The following DYNC1H1 variants were observed in gnomAD, a reference collection of about 807,000 sequenced individuals.
DYNC1H1 encodes the protein dynein cytoplasmic 1 heavy chain 1, also known as cytoplasmic dynein 1 heavy chain 1.
In DYNC1H1, 51 loss-of-function variants were observed where a neutral mutation model predicts 527.1. That is an observed-to-expected ratio of 0.10 (90% CI 0.08 to 0.12). The LOEUF is 0.12. DYNC1H1 is among the 10% of genes least tolerant of loss of function. DYNC1H1 has a pLI of 1.00. For missense variants in DYNC1H1, 2,771 were observed against 5,971.8 expected (o/e 0.46, Z 17.66); for synonymous variants, 2,189 against 2,278.8 (o/e 0.96, Z 1.12).
rs749004964 is a variant in DYNC1H1 at position 102,017,397 on chromosome 14, A to C, written c.8070A>C (p.Gly2690=). The change falls in exon 40 of 78, where the codon GGA becomes GGC. Residue 2690 remains glycine (G), a synonymous_variant. Coordinates refer to ENST00000360184, the MANE Select transcript of DYNC1H1 (RefSeq NM_001376.5). This position sits in a 1 kb window ranked among gnomAD's most constrained non-coding sequence, Gnocchi z 4.6. ...ISFIRQMVEH[G]GFYRTSDQTW... ...CCTTCCTTCAGATGGTGGAGCACGG[A>C]GGCTTTTACCGTACCTCAGATCAAA... 5.0e-6 allele frequency: 8 copies of C among 1,614,176 alleles called. No individual in the cohort carries two copies. In the South Asian group the frequency reaches 5.5e-5, roughly 11 times the overall value.
intron 72 of DYNC1H1, 178 bp from the exon 73 acceptor site, chr14:102,047,639 G>GTGTGTA (rs2048741525): frequency 2.9e-6 from 1 of 346,202 alleles, no homozygotes; most frequent in Admixed American, 4.5e-5. Flanking sequence ...GTGTGTGTGT[G>GTGTGTA]TGTATATATA....
chr14:101,999,903 CA>C (rs2048110551), intron 16 of DYNC1H1, 85 bp from the exon 17 acceptor site: 1 of 1,592,710 alleles, frequency 6.3e-7, no homozygotes, highest in Non-Finnish European at 8.6e-7. Flanking sequence ...AGAAGCCCTG[CA>C]GGCTCTGTGC....
rs1595604989 is a variant in DYNC1H1 at position 101,994,121 on chromosome 14, G to T, written c.3016-63G>T. On this transcript the variant is annotated intron_variant, in intron 11 of 77. Transcript: ENST00000360184. ...TCAGTTCATTTTAATTAAGTAAAAG[G>T]TGACACTTAGATTACCATTTTCATA... 3.7e-6 allele frequency: 6 copies of T among 1,611,804 alleles called. No homozygotes were observed. In the Admixed American group the frequency reaches 5.0e-5, roughly 13 times the overall value.
chr14:101,965,134 C>A lies in DYNC1H1; in HGVS notation c.256+187C>A, dbSNP rs1320351747. On this transcript the variant is annotated intron_variant, in intron 1 of 77. Coordinates refer to ENST00000360184, the MANE Select transcript of DYNC1H1 (RefSeq NM_001376.5). The surrounding 1 kb of genome is among the most constrained non-coding windows in gnomAD (Gnocchi z 4.1). ...CCGGGTCCCCAGGGCCGCAGACGCC[C>A]CGCAGAGGCCGGCGCGGCGCCCGGG... 6.6e-6 allele frequency among the ~76,000 whole-genome samples: 1 copy of A among 151,810 alleles called. No individual in the cohort carries two copies. Among genetic ancestry groups the A allele is most frequent in the Non-Finnish European group, 1.5e-5 (1 of 67,924 alleles).
At chr14:102,034,626 A>G (rs1298850257) in intron 56 of DYNC1H1, 174 bp downstream of exon 56, 5 of 1,080,230 alleles carry the variant, frequency 4.6e-6, no homozygotes, top group Non-Finnish European at 6.8e-6. Context: ...CGTTATTGTC[A>G]AGTGTCTGAG....
At chr14:102,045,991 C>G (rs1168691582) in intron 72 of DYNC1H1, among the ~76,000 whole-genome samples, 1 of 151,922 alleles carries the variant, frequency 6.6e-6, no homozygotes, top group African/African-American at 2.4e-5. Flanking sequence ...ACGGTGAAAC[C>G]CCGTCTCTAC....
Position 101,985,642 on chromosome 14 carries a change from C to T in DYNC1H1, c.1462-45C>T. ...CCCGGCTTAAAATAAATTTTAAAGC[C>T]TTCGTTTGGTCAGCATTTCTTGATT... On this transcript the variant is annotated intron_variant, in intron 7 of 77. Coordinates refer to ENST00000360184, the MANE Select transcript of DYNC1H1 (RefSeq NM_001376.5). The surrounding 1 kb of genome is among the most constrained non-coding windows in gnomAD (Gnocchi z 5.9). 1.2e-6 allele frequency: 2 copies of T among 1,609,626 alleles called. No homozygotes were observed. The highest frequency in any genetic ancestry group is 1.7e-6 in the Non-Finnish European group (2 of 1,176,002).
rs749751466 is a variant in DYNC1H1, at chr14:102,029,553, A to G, written c.9483A>G (p.Leu3161=). 1 of 1,614,242 alleles carries G rather than the reference A, an allele frequency of 6.2e-7. No individual in the cohort carries two copies. Among genetic ancestry groups the G allele is most frequent in the Non-Finnish European group, 8.5e-7 (1 of 1,180,050 alleles). The change falls in exon 49 of 78, where the codon CTA becomes CTG. Residue 3161 remains leucine (L), a synonymous_variant. Transcript: ENST00000360184. The surrounding 1 kb of genome is among the most constrained non-coding windows in gnomAD (Gnocchi z 5.3). ...TTTTCTGAAAGGCGAATGCTCGGCTAGCAAAGCGAGGCGGCAGAACGATGG... is the reference window on the plus strand; with the variant it reads ...TTTTCTGAAAGGCGAATGCTCGGCTGGCAAAGCGAGGCGGCAGAACGATGG... ...HQTLHQANAR[L]AKRGGRTMAI... is the part of the protein sequence containing the mutation.
At chr14:102,032,103 T>G (rs2048516308) in intron 51 of DYNC1H1, among the ~76,000 whole-genome samples, 169 bp from the exon 52 acceptor site, 1 of 152,218 alleles carries the variant, frequency 6.6e-6, no homozygotes, top group African/African-American at 2.4e-5. Context: ...CTTACCCTAT[T>G]CCAGAGGGTT....
Position 101,981,745 on chromosome 14 carries a change from C to T in DYNC1H1, c.961+1195C>T, listed in dbSNP as rs76844542. Among the ~76,000 whole-genome samples, 953 of 152,180 alleles carry T rather than the reference C, an allele frequency of 6.3e-3. 9 individuals are homozygous for T. The highest frequency in any genetic ancestry group is 0.022 in the African/African-American group (926 of 41,488). On this transcript the variant is annotated intron_variant, in intron 5 of 77. Coordinates refer to ENST00000360184, the MANE Select transcript of DYNC1H1 (RefSeq NM_001376.5). ...ATGTATACTTTGATTTTTTTAACAC[C>T]TCTGAAACTTTTGTTTTTTTCCTAA...
chr14:102,005,823 A>C lies in DYNC1H1; in HGVS notation c.5434-65A>C. 24 of 1,603,122 alleles carry C rather than the reference A, an allele frequency of 1.5e-5. No homozygotes were observed. The highest frequency in any genetic ancestry group is 1.9e-5 in the Non-Finnish European group (22 of 1,171,060). On this transcript the variant is annotated intron_variant, in intron 26 of 77. Coordinates refer to ENST00000360184, the MANE Select transcript of DYNC1H1 (RefSeq NM_001376.5). This position sits in a 1 kb window ranked among gnomAD's most constrained non-coding sequence, Gnocchi z 4.0. ...CTCAATTTCAGTTTAACAGTCCACA[A>C]ACCCGGAGAATGCACTGTATTGCTT...
In DYNC1H1 at chr14:101,982,142, C is replaced by T. The variant is rs17511991; in HGVS notation, c.962-877C>T. ...CGCAAACCCTGTTGTGAACTGCGCA[C>T]GCGAGGGATGTAGATTGTGCACTCC... On this transcript the variant is annotated intron_variant, in intron 5 of 77. Coordinates refer to ENST00000360184, the MANE Select transcript of DYNC1H1 (RefSeq NM_001376.5). Among the ~76,000 whole-genome samples, 840 of 152,216 alleles carry T rather than the reference C, an allele frequency of 5.5e-3. 17 individuals carry two copies. The highest frequency in any genetic ancestry group is 0.037 in the East Asian group (190 of 5,186).
At position 102,044,180 on chromosome 14, in the gene DYNC1H1, T is replaced by C; in HGVS notation, c.12685-94T>C. ...GTGACCGCCAAAGCCTAGCTGGCCA[T>C]GGGGAGTGAGGAGGAAAGCTGTGCC... On this transcript the variant is annotated intron_variant, in intron 70 of 77. Transcript: ENST00000360184. This position sits in a 1 kb window ranked among gnomAD's most constrained non-coding sequence, Gnocchi z 7.1. The C allele has an allele frequency of 6.3e-7, 1 of 1,586,754 alleles. No homozygotes were observed. Among genetic ancestry groups the C allele is most frequent in the Non-Finnish European group, 8.6e-7 (1 of 1,167,880 alleles).
Position 102,017,801 on chromosome 14 carries a change from C to A in DYNC1H1, c.8177+297C>A. The A allele has an allele frequency of 2.4e-6, 1 of 424,448 alleles. No homozygotes were observed. 26.3% of individuals were successfully genotyped at this position (424,448 alleles called of 1,614,324 possible). On this transcript the variant is annotated intron_variant, in intron 40 of 77. Coordinates refer to ENST00000360184, the MANE Select transcript of DYNC1H1 (RefSeq NM_001376.5). This position sits in a 1 kb window ranked among gnomAD's most constrained non-coding sequence, Gnocchi z 4.6. ...CCAACACAGTGAAACCTCGTCTCTACTGAAAATACAAAAACAAAATTAAGG... is the reference window on the plus strand; with the variant it reads ...CCAACACAGTGAAACCTCGTCTCTAATGAAAATACAAAAACAAAATTAAGG...
rs771521708 is a variant in DYNC1H1, at chr14:102,042,306, G to A, written c.12275+18G>A. The A allele has an allele frequency of 2.1e-5, 34 of 1,614,124 alleles. No individual in the cohort carries two copies. Among genetic ancestry groups the A allele is most frequent in the Non-Finnish European group, 2.9e-5 (34 of 1,180,026 alleles). ...TCGGGCAGGTAGGCCTGTTCTCTTT[G>A]GCTGAAGAAAGCCTTAGTCCCCAGG... On this transcript the variant is annotated intron_variant, in intron 67 of 77. Transcript: ENST00000360184. The surrounding 1 kb of genome is among the most constrained non-coding windows in gnomAD (Gnocchi z 5.7).
chr14:102,030,341 T>C lies in DYNC1H1; in HGVS notation c.9883+59T>C. On this transcript the variant is annotated intron_variant, in intron 51 of 77. Transcript: ENST00000360184. Reference sequence around the variant, plus strand: ...GAAGGGTGGTCTCCGTCAACATTACTGTGGAGTTCAGGTCACTGAACATTG... The same window carrying C: ...GAAGGGTGGTCTCCGTCAACATTACCGTGGAGTTCAGGTCACTGAACATTG... 3.1e-6 allele frequency: 5 copies of C among 1,613,192 alleles called. No homozygotes were observed. The South Asian group carries it at 3.3e-5, about 11-fold the overall frequency.
chr14:102,014,868 T>C (rs1449949755), intron 34 of DYNC1H1, among the ~76,000 whole-genome samples: 1 of 152,018 alleles, frequency 6.6e-6, no homozygotes, highest in Non-Finnish European at 1.5e-5. Flanking sequence ...CAGGCTAGAG[T>C]GCAGTGGCAT....
intron 57 of DYNC1H1, chr14:102,037,538 A>G (rs896731608): frequency 6.6e-6 from 1 of 152,162 alleles, no homozygotes; most frequent in South Asian, 2.1e-4. Flanking sequence ...AAACTCATGC[A>G]GGAGCAGAAA....
intron 43 of DYNC1H1, 88 bp from the exon 44 acceptor site, chr14:102,026,486 C>T: frequency 7.0e-7 from 1 of 1,428,666 alleles, no homozygotes; most frequent in Non-Finnish European, 9.7e-7. Flanking sequence ...TTAACAGTTT[C>T]TTCATGGTAT....
Sources: allele counts gnomAD v4.1 joint callset (sites outside exome capture counted in the v4.1 genomes callset), GRCh38; gene constraint gnomAD v4.1.1; non-coding constraint Gnocchi (gnomAD v3.1); transcripts MANE v1.5; gene names NCBI Gene and HGNC (gene_info 2026-07-23, HGNC 2026-07-21).